The following PCDHA2 variants were observed in gnomAD, a reference collection of about 807,000 sequenced individuals.
The protein encoded by PCDHA2 is protocadherin alpha-2.
In PCDHA2, 58 loss-of-function variants were observed where a neutral mutation model predicts 66.0. The observed-to-expected ratio is 0.88, with a 90% CI of 0.71 to 1.09. The LOEUF is 1.09. Among genes scored for constraint, PCDHA2 ranks in the 50% least tolerant of loss-of-function variants. The probability of loss-of-function intolerance (pLI) is 0.00; values close to 1 mark genes in which losing one functional copy is unlikely to be tolerated. For missense variants in PCDHA2, 1,267 were observed against 1,242.3 expected (o/e 1.02, Z -0.30); for synonymous variants, 634 against 554.0 (o/e 1.14, Z -2.03).
intron 1 of PCDHA2, among the ~76,000 whole-genome samples, chr5:140,941,304 C>T (rs1477431460): frequency 4.7e-5 from 4 of 84,830 alleles, no homozygotes; most frequent in African/African-American, 8.5e-5. Flanking sequence ...TTCTTTCTTT[C>T]TTTTTCTTCT....
At chr5:140,829,840 G>A (rs1554132317) in intron 1 of PCDHA2, 3 of 1,613,938 alleles carry the variant, frequency 1.9e-6, no homozygotes, top group Non-Finnish European at 2.5e-6. Context: ...TGGTGCCGCG[G>A]TCACTGGGTG....
intron 1 of PCDHA2, chr5:140,882,409 C>A: frequency 6.2e-7 from 1 of 1,614,158 alleles, no homozygotes; most frequent in Non-Finnish European, 8.5e-7. Flanking sequence ...TCGTGGGCCG[C>A]ATCGCTCAGG....
chr5:140,906,827 G>C (rs2153497509), intron 1 of PCDHA2, among the ~76,000 whole-genome samples: 1 of 152,308 alleles, frequency 6.6e-6, no homozygotes, highest in South Asian at 2.1e-4. Flanking sequence ...TGGAGTAGTA[G>C]ACTGATTTCA....
At chr5:140,853,280 T>C in intron 1 of PCDHA2, 1 of 980,192 alleles carries the variant, frequency 1.0e-6, no homozygotes, top group South Asian at 4.8e-5. Context: ...TCTCATCATA[T>C]GCAAATTCTC....
At chr5:140,929,189 A>G (rs782622519) in intron 1 of PCDHA2, 62 of 1,614,180 alleles carry the variant, frequency 3.8e-5, no homozygotes, top group Non-Finnish European at 4.7e-5. Flanking sequence ...GGTTCTGATA[A>G]TAACAGTTTG....
chr5:140,802,377 C>G, intron 1 of PCDHA2: 1 of 1,614,264 alleles, frequency 6.2e-7, no homozygotes, highest in East Asian at 2.2e-5. Flanking sequence ...GCCCCACGTC[C>G]CCTTCAAGCT....
intron 1 of PCDHA2, chr5:140,849,864 C>G (rs1554143420): frequency 6.3e-7 from 1 of 1,598,642 alleles, no homozygotes; most frequent in South Asian, 1.1e-5. Context: ...AGCGTTCGCG[C>G]AGTCCGAGTA....
intron 1 of PCDHA2, among the ~76,000 whole-genome samples, chr5:140,847,167 A>T (rs1354541358): frequency 6.7e-6 from 1 of 149,596 alleles, no homozygotes; most frequent in Non-Finnish European, 1.5e-5. Flanking sequence ...TGAGTAATAA[A>T]CTAAAGGGCC....
intron 1 of PCDHA2, among the ~76,000 whole-genome samples, chr5:140,959,089 C>T (rs150796442): frequency 0.023 from 3,565 of 152,100 alleles, 49 homozygotes; most frequent in Middle Eastern, 0.034. Context: ...TCCTTGGTTT[C>T]GGACATTCAG....
chr5:140,818,170 C>T (rs1554127409), intron 1 of PCDHA2, among the ~76,000 whole-genome samples: 1 of 152,176 alleles, frequency 6.6e-6, no homozygotes, highest in African/African-American at 2.4e-5. Flanking sequence ...CATATTTTCT[C>T]TTATATTCTT....
intron 1 of PCDHA2, among the ~76,000 whole-genome samples, chr5:140,973,841 G>A (rs2096604649): frequency 6.6e-6 from 1 of 152,188 alleles, no homozygotes; most frequent in Admixed American, 6.5e-5. Context: ...CTTGCTTGTT[G>A]CCTACCAATT....
chr5:140,849,852 C>A (rs2150454047), intron 1 of PCDHA2: 2 of 1,598,608 alleles, frequency 1.3e-6, no homozygotes, highest in East Asian at 2.2e-5. Context: ...CGACAACGCA[C>A]CAGCGTTCGC....
chr5:140,888,606 G>A (rs2061900283), intron 1 of PCDHA2, among the ~76,000 whole-genome samples: 2 of 152,180 alleles, frequency 1.3e-5, no homozygotes, highest in African/African-American at 4.8e-5. Context: ...GCAGCTTTTA[G>A]TGTAGCACTA....
intron 1 of PCDHA2, chr5:140,871,459 G>A (rs781872546): frequency 6.2e-6 from 10 of 1,605,178 alleles, no homozygotes; most frequent in Admixed American, 1.7e-5. Flanking sequence ...GGAGGAAGGG[G>A]AAAGACAGGA....
chr5:140,829,617 C>T (rs1429736622), intron 1 of PCDHA2: 1 of 1,612,166 alleles, frequency 6.2e-7, no homozygotes, highest in East Asian at 2.2e-5. Context: ...AGCTACATTT[C>T]GGTGCACGCG....
Position 141,011,938 on chromosome 5 carries a change from T to TA in PCDHA2, c.*2008dup, listed in dbSNP as rs1489019865. 2.6e-5 allele frequency: 4 copies of TA among 153,644 alleles called. No individual in the cohort carries two copies. The highest frequency in any genetic ancestry group is 6.5e-5 in the Admixed American group (1 of 15,278). The allele number at this position is 153,644 out of a possible 1,614,324, so 9.5% of individuals were successfully genotyped here. A position where few individuals can be genotyped will look rare whatever the true frequency, so the allele number is the denominator to read the frequency against. ...ATAAAAGAGGTAGGAGTCTGTTATT[T>TA]AAAAAAAGCATTAAATTTAAAAAAA... On this transcript the variant is annotated 3_prime_UTR_variant, in exon 4 of 4. Transcript: ENST00000526136.
At chr5:140,843,522 CG>C (rs1554140172) in intron 1 of PCDHA2, 1 of 1,595,680 alleles carries the variant, frequency 6.3e-7, no homozygotes, top group Non-Finnish European at 8.6e-7. Flanking sequence ...GGGTGCCGGG[CG>C]GGCAAGCCCA....
In PCDHA2 at chr5:140,796,650, G is replaced by A. The variant is rs527830690; in HGVS notation, c.1686G>A (p.Ala562=). The A allele has an allele frequency of 5.0e-6, 8 of 1,613,800 alleles. No individual in the cohort carries two copies. The highest frequency in any genetic ancestry group is 3.3e-4 in the Middle Eastern group (2 of 6,038). ...QVFVLDENDN[A]PALLAPRAGT... ...TCGTGCTGGACGAGAACGACAACGCGCCGGCACTGTTGGCGCCTAGGGCTG... is the reference window on the plus strand; with the variant it reads ...TCGTGCTGGACGAGAACGACAACGCACCGGCACTGTTGGCGCCTAGGGCTG... Residue 562 remains alanine (A), a synonymous_variant, in exon 1 of 4, where the codon GCG becomes GCA. Transcript: ENST00000526136.
chr5:141,009,482 C>A, intron 3 of PCDHA2, 145 bp from the exon 4 acceptor site: 1 of 1,446,086 alleles, frequency 6.9e-7, no homozygotes, highest in Non-Finnish European at 9.1e-7. Flanking sequence ...TAAACACTTG[C>A]CTTGCCCTCA....
Sources: gnomAD v4.1 joint callset for allele counts (sites outside exome capture counted in the v4.1 genomes callset) on GRCh38, gnomAD v4.1.1 for gene constraint, MANE v1.5 for transcripts, NCBI Gene and HGNC (gene_info 2026-07-23, HGNC 2026-07-21) for gene names.